Variants in SRCAP observed in about 807,000 individuals in gnomAD.
SRCAP encodes Snf2 related CREBBP activator protein.
A neutral mutation model predicts 263.1 loss-of-function variants in SRCAP; 46 were observed. The ratio of observed to expected loss-of-function variants is 0.17; its 90% CI spans 0.14 to 0.22. The LOEUF is 0.22. Among genes scored for constraint, SRCAP ranks in the 10% least tolerant of loss-of-function variants. The probability of loss-of-function intolerance (pLI) is 1.00; values close to 1 mark genes in which losing one functional copy is unlikely to be tolerated. For missense variants in SRCAP, 3,695 were observed against 4,181.9 expected (o/e 0.88, Z 3.21); for synonymous variants, 1,813 against 1,662.1 (o/e 1.09, Z -2.21).
Position 30,738,891 on chromosome 16 carries a change from C to G in SRCAP, c.8851C>G (p.Pro2951Ala), listed in dbSNP as rs144944402. Residue 2951 changes from proline (P) to alanine (A), a missense_variant, in exon 34 of 34, where the codon CCT (proline) becomes GCT (alanine). By Grantham distance (27) the Pro-to-Ala change is conservative. Transcript: ENST00000262518. The stretch of plus-strand genomic sequence containing the variant: ...CCCTAAAGCACGAGATTTGCCCATC[C>G]CTGGGACCATTTCCTCTGCAGGGGA... ...RPPKARDLPI[P>A]GTISSAGDGN... 3.0e-4 allele frequency: 485 copies of G among 1,614,130 alleles called. 4 individuals carry two copies. In the East Asian group the frequency reaches 9.1e-3, roughly 30 times the overall value.
At chr16:30,701,875 A>G (rs1567238848) in intron 3 of SRCAP, among the ~76,000 whole-genome samples, 1 of 149,574 alleles carries the variant, frequency 6.7e-6, no homozygotes, top group African/African-American at 2.5e-5. Flanking sequence ...CAGGTGATCC[A>G]CCCACCTTGG....
intron 16 of SRCAP, among the ~76,000 whole-genome samples, chr16:30,714,307 G>A (rs2052923377): frequency 6.6e-6 from 1 of 150,710 alleles, no homozygotes; most frequent in Non-Finnish European, 1.5e-5. Context: ...CTCATGATCC[G>A]CCTGCCTCGG....
In SRCAP at chr16:30,713,501, C is replaced by T. The variant is rs771756691; in HGVS notation, c.2301-18C>T. 6.2e-6 allele frequency: 10 copies of T among 1,613,512 alleles called. No individual in the cohort carries two copies. In the Middle Eastern group the frequency reaches 8.2e-4, roughly 133 times the overall value. On this transcript the variant is annotated intron_variant, in intron 15 of 33. Transcript: ENST00000262518. ...CTTGCTGACCATACTCTCTCTGATT[C>T]TCTCTGTCTCTTTGCAGCCAGAGAC...
At chr16:30,711,280 A>G (rs530835003) in intron 10 of SRCAP, among the ~76,000 whole-genome samples, 192 bp downstream of exon 10, 1 of 152,228 alleles carries the variant, frequency 6.6e-6, no homozygotes, top group Non-Finnish European at 1.5e-5. Context: ...TTAAATGGTG[A>G]TGTGGGAGTG....
At chr16:30,707,544 T>C (rs1468645670) in intron 5 of SRCAP, 28 bp from the exon 6 acceptor site, 4 of 1,610,558 alleles carry the variant, frequency 2.5e-6, no homozygotes, top group Non-Finnish European at 3.4e-6. Context: ...GCTTTGAGTG[T>C]TTTCACCCTG....
chr16:30,710,297 A>G (rs1199396380), intron 8 of SRCAP, among the ~76,000 whole-genome samples, 169 bp downstream of exon 8: 1 of 152,168 alleles, frequency 6.6e-6, no homozygotes, highest in East Asian at 1.9e-4. Context: ...GGCAAGTTGC[A>G]TTTTGTGATT....
intron 4 of SRCAP, 33 bp from the exon 5 acceptor site, chr16:30,707,150 G>A: frequency 6.2e-7 from 1 of 1,611,036 alleles, no homozygotes; most frequent in South Asian, 1.1e-5. Context: ...TGTGTGTTTA[G>A]AACTGTTGAT....
At chr16:30,734,995 A>G (rs1045850412) in intron 31 of SRCAP, among the ~76,000 whole-genome samples, 1 of 152,154 alleles carries the variant, frequency 6.6e-6, no homozygotes, top group East Asian at 1.9e-4. Context: ...CTCTGAAAAC[A>G]CACAAATGCT....
chr16:30,735,470 C>A (rs2053151831), intron 31 of SRCAP, among the ~76,000 whole-genome samples: 1 of 151,680 alleles, frequency 6.6e-6, no homozygotes, highest in Non-Finnish European at 1.5e-5. Context: ...ATATCCACCT[C>A]ACCATCTAAT....
Position 30,710,067 on chromosome 16 carries a change from A to T in SRCAP, c.1073A>T (p.Asp358Val). The change falls in exon 8 of 34, where the codon GAT becomes GTT. Residue 358 changes from aspartate (D) to valine (V), a missense_variant. By Grantham distance (152) the Asp-to-Val change is radical. Around this residue, in one of 12 missense-constraint regions of SRCAP, gnomAD observed 288 missense variants for 302.4 expected, o/e 0.95. Transcript: ENST00000262518. ...SSPSQTPSSHDSDTRDGPEEG... is the reference protein window; with the variant it reads ...SSPSQTPSSHVSDTRDGPEEG... ...CCCTCTCAAACCCCCTCATCTCATG[A>T]TAGTGACACCCGAGATGGGCCTGAA... The T allele has an allele frequency of 6.2e-7, 1 of 1,614,042 alleles. No individual in the cohort carries two copies. The highest frequency in any genetic ancestry group is 8.5e-7 in the Non-Finnish European group (1 of 1,180,024).
chr16:30,720,845 A>G lies in SRCAP; in HGVS notation c.3120A>G (p.Pro1040=). ...PELSAQPTPG[P]VPQVLPASLM... is the part of the protein sequence containing the mutation. Reference sequence around the variant, plus strand: ...TCTCAGCCCAGCCCACCCCTGGCCCAGTCCCCCAAGTGCTGCCAGCATCAC... The same window carrying G: ...TCTCAGCCCAGCCCACCCCTGGCCCGGTCCCCCAAGTGCTGCCAGCATCAC... Residue 1040 remains proline, a synonymous_variant, in exon 20 of 34, where the codon CCA becomes CCG. Transcript: ENST00000262518. 6.2e-7 allele frequency: 1 copy of G among 1,613,906 alleles called. No individual in the cohort carries two copies. The highest frequency in any genetic ancestry group is 8.5e-7 in the Non-Finnish European group (1 of 1,179,968).
At position 30,720,805 on chromosome 16, in the gene SRCAP, C is replaced by T. The variant is rs570867665; in HGVS notation, c.3080C>T (p.Pro1027Leu). The part of the protein sequence containing the change: ...APLGPVPVRP[P>L]PGPELSAQPT... ...CTGGGCCCTGTCCCAGTTCGACCTC[C>T]TCCAGGTCCTGAGCTCTCAGCCCAG... Residue 1027 changes from proline to leucine, a missense_variant, in exon 20 of 34, where the codon CCT becomes CTT. Physicochemically the swap from Pro to Leu is moderately conservative, Grantham distance 98. Transcript: ENST00000262518. The T allele has an allele frequency of 2.1e-5, 34 of 1,614,104 alleles. No homozygotes were observed. Among genetic ancestry groups the T allele is most frequent in the Non-Finnish European group, 2.6e-5 (31 of 1,180,016 alleles).
At position 30,737,855 on chromosome 16, in the gene SRCAP, T is replaced by G; in HGVS notation, c.7815T>G (p.Ser2605=). The change falls in exon 34 of 34, where the codon TCT becomes TCG. Residue 2605 remains serine (S), a synonymous_variant. Coordinates refer to ENST00000262518, the MANE Select transcript of SRCAP (RefSeq NM_006662.3). ...VSEKNLSLTP[S]APSLTLEAGS... The stretch of plus-strand genomic sequence containing the variant: ...AGAAGAACCTTTCTCTCACCCCTTC[T>G]GCACCCAGCCTGACCTTGGAGGCTG... 1 of 1,614,186 alleles carries G rather than the reference T, an allele frequency of 6.2e-7. No individual in the cohort carries two copies. The highest frequency in any genetic ancestry group is 1.3e-5 in the African/African-American group (1 of 75,054).
intron 21 of SRCAP, 60 bp from the exon 22 acceptor site, chr16:30,722,062 C>T: frequency 6.4e-7 from 1 of 1,565,292 alleles, no homozygotes; most frequent in African/African-American, 1.3e-5. Context: ...TTCATGGGGT[C>T]TGTGAAGTGG....
chr16:30,723,352 G>C, intron 24 of SRCAP, 123 bp downstream of exon 24: 1 of 1,447,100 alleles, frequency 6.9e-7, no homozygotes, highest in East Asian at 2.4e-5. Context: ...GATTTGTAGT[G>C]GGCCCCAGAA....
At position 30,723,902 on chromosome 16, in the gene SRCAP, T is replaced by G. The variant is rs769087764; in HGVS notation, c.4478T>G (p.Leu1493Trp). The part of the protein sequence containing the change: ...VVPAAPGPPS[L>W]APSGASPSAS... ...CCAGCGGCTCCTGGACCTCCCTCCT[T>G]GGCACCATCTGGTGCTTCCCCGTCA... is the stretch of plus-strand genomic sequence containing the variant. Residue 1493 changes from leucine to tryptophan, a missense_variant, in exon 25 of 34, where the codon TTG becomes TGG. Coordinates refer to ENST00000262518, the MANE Select transcript of SRCAP (RefSeq NM_006662.3). 6 of 1,614,138 alleles carry G rather than the reference T, an allele frequency of 3.7e-6. No individual in the cohort carries two copies. Among genetic ancestry groups the G allele is most frequent in the Non-Finnish European group, 5.1e-6 (6 of 1,180,032 alleles).
chr16:30,715,103 C>T (rs866556154), intron 16 of SRCAP, among the ~76,000 whole-genome samples: 6 of 152,204 alleles, frequency 3.9e-5, no homozygotes, highest in Admixed American at 3.9e-4. Flanking sequence ...TACTAAAATT[C>T]CTTGACTTTC....
At chr16:30,736,066 C>A in intron 31 of SRCAP, 134 bp from the exon 32 acceptor site, 1 of 954,706 alleles carries the variant, frequency 1.0e-6, no homozygotes, top group South Asian at 1.6e-5. Flanking sequence ...ACTCTGGAGG[C>A]CTAGGAGGTT....
In SRCAP at chr16:30,737,536, G is replaced by C; in HGVS notation, c.7496G>C (p.Cys2499Ser). The C allele has an allele frequency of 6.2e-7, 1 of 1,608,434 alleles. No individual in the cohort carries two copies. The highest frequency in any genetic ancestry group is 8.5e-7 in the Non-Finnish European group (1 of 1,175,168). Reference protein sequence around the residue: ...SQIPPCSSPACTPPPACTPPP... With the variant: ...SQIPPCSSPASTPPPACTPPP... ...ATTCCTCCTTGTTCTTCTCCTGCCT[G>C]CACCCCTCCTCCTGCCTGTACCCCT... The change falls in exon 34 of 34, where the codon TGC becomes TCC. Residue 2499 changes from cysteine (C) to serine (S), a missense_variant. By Grantham distance (112) the Cys-to-Ser change is moderately radical. Coordinates refer to ENST00000262518, the MANE Select transcript of SRCAP (RefSeq NM_006662.3).
Sources: gnomAD v4.1 joint callset for allele counts (sites outside exome capture counted in the v4.1 genomes callset) on GRCh38, gnomAD v4.1.1 for gene constraint, gnomAD v4.1.1 regional missense constraint, MANE v1.5 for transcripts, NCBI Gene and HGNC (gene_info 2026-07-23, HGNC 2026-07-21) for gene names.